Variants in FSTL5 observed in about 807,000 individuals in gnomAD.
FSTL5 encodes the protein follistatin like 5.
In FSTL5, 62 loss-of-function variants were observed where a neutral mutation model predicts 89.1. The observed-to-expected ratio is 0.70, with a 90% confidence interval of 0.57 to 0.86. FSTL5 has a LOEUF of 0.86. Ranked by LOEUF, FSTL5 falls within the 40% of genes least tolerant of loss-of-function variation. The pLI, the probability that FSTL5 is intolerant of heterozygous loss-of-function variation, is 0.00. For missense variants in FSTL5, 1,057 were observed against 1,001.6 expected (o/e 1.06, Z -0.75); for synonymous variants, 383 against 346.2 (o/e 1.11, Z -1.18).
chr4:161,564,651 T>G (rs972635070), intron 8 of FSTL5, among the ~76,000 whole-genome samples: 1 of 151,632 alleles, frequency 6.6e-6, no homozygotes, highest in African/African-American at 2.4e-5. Flanking sequence ...CTTTTATTAA[T>G]ACATGATAAT....
At chr4:161,504,453 C>A (rs1460579931) in intron 11 of FSTL5, among the ~76,000 whole-genome samples, 1 of 150,706 alleles carries the variant, frequency 6.6e-6, no homozygotes, top group Admixed American at 6.7e-5. Flanking sequence ...AGATCGGGAA[C>A]ATGTGCAGAT....
At chr4:161,522,444 GA>G (rs1289503658) in intron 10 of FSTL5, among the ~76,000 whole-genome samples, 4 of 151,978 alleles carry the variant, frequency 2.6e-5, no homozygotes, top group Admixed American at 2.6e-4. Flanking sequence ...ATAGGATATA[GA>G]AAGGCTTTTC....
intron 12 of FSTL5, among the ~76,000 whole-genome samples, chr4:161,487,192 C>T (rs545377445): frequency 6.6e-6 from 1 of 152,216 alleles, no homozygotes; most frequent in East Asian, 1.9e-4. Flanking sequence ...AAACATAATG[C>T]TGAAGGTGCA....
chr4:162,115,828 G>A (rs1185323108), intron 1 of FSTL5, among the ~76,000 whole-genome samples: 1 of 152,048 alleles, frequency 6.6e-6, no homozygotes, highest in African/African-American at 2.4e-5. Flanking sequence ...CTGCTTGCTG[G>A]GGGTAGGATT....
chr4:161,544,811 T>C (rs1158477625), intron 8 of FSTL5, among the ~76,000 whole-genome samples: 2 of 152,040 alleles, frequency 1.3e-5, no homozygotes, highest in South Asian at 4.1e-4. Flanking sequence ...ATATGGTCCC[T>C]GTATTAGATA....
At chr4:162,102,672 T>C (rs1195241745) in intron 2 of FSTL5, among the ~76,000 whole-genome samples, 2 of 145,376 alleles carry the variant, frequency 1.4e-5, no homozygotes, top group African/African-American at 5.0e-5. Context: ...TATAAAAATA[T>C]GTATAACATA....
intron 2 of FSTL5, among the ~76,000 whole-genome samples, chr4:162,036,426 T>C (rs12508126): frequency 0.19 from 28,387 of 151,924 alleles, 3,291 homozygotes; most frequent in East Asian, 0.33. Flanking sequence ...TTTTTAAACA[T>C]GTTGACTTTG....
intron 6 of FSTL5, among the ~76,000 whole-genome samples, chr4:161,710,872 A>C (rs565944561): frequency 6.6e-6 from 1 of 152,318 alleles, no homozygotes; most frequent in East Asian, 1.9e-4. Flanking sequence ...ATTAAATTAC[A>C]ACTCTACAAC....
intron 7 of FSTL5, among the ~76,000 whole-genome samples, chr4:161,640,728 C>T (rs1395615991): frequency 2.2e-5 from 3 of 133,938 alleles, no homozygotes; most frequent in Non-Finnish European, 4.4e-5. Context: ...GGAGAAGAAG[C>T]AGAGAAAATA....
At chr4:161,486,252 A>G (rs1261326192) in intron 12 of FSTL5, among the ~76,000 whole-genome samples, 1 of 152,156 alleles carries the variant, frequency 6.6e-6, no homozygotes, top group Non-Finnish European at 1.5e-5. Flanking sequence ...GGTATTATGA[A>G]GAACACAGAA....
intron 13 of FSTL5, among the ~76,000 whole-genome samples, chr4:161,468,197 C>A (rs1351523805): frequency 6.6e-6 from 1 of 151,974 alleles, no homozygotes; most frequent in Non-Finnish European, 1.5e-5. Flanking sequence ...GCGACCCCCA[C>A]TACATACTAC....
chr4:161,763,622 C>G (rs1740882665), intron 5 of FSTL5, among the ~76,000 whole-genome samples: 1 of 152,078 alleles, frequency 6.6e-6, no homozygotes, highest in Non-Finnish European at 1.5e-5. Flanking sequence ...CAAGAAATAG[C>G]AATTGTGAAC....
At chr4:161,707,371 A>G (rs75703022) in intron 6 of FSTL5, among the ~76,000 whole-genome samples, 2,632 of 152,074 alleles carry the variant, frequency 0.017, 87 homozygotes, top group African/African-American at 0.058. Flanking sequence ...TGTTATTTAT[A>G]AAATGTAAAA....
intron 8 of FSTL5, among the ~76,000 whole-genome samples, chr4:161,565,859 T>C (rs1485541889): frequency 6.6e-6 from 1 of 150,668 alleles, no homozygotes; most frequent in Non-Finnish European, 1.5e-5. Flanking sequence ...CAATTGTGAA[T>C]TGTGTTATGG....
intron 4 of FSTL5, among the ~76,000 whole-genome samples, chr4:161,862,243 A>G (rs1008646091): frequency 2.0e-5 from 3 of 152,222 alleles, no homozygotes. Context: ...TTATGAGTAA[A>G]TATGACAGAC....
At chr4:161,600,778 T>C (rs1734202645) in intron 7 of FSTL5, among the ~76,000 whole-genome samples, 1 of 152,178 alleles carries the variant, frequency 6.6e-6, no homozygotes, top group African/African-American at 2.4e-5. Flanking sequence ...GTATCATTAG[T>C]AAATGAATAC....
intron 13 of FSTL5, among the ~76,000 whole-genome samples, chr4:161,479,148 G>A (rs1729413381): frequency 6.6e-6 from 1 of 152,024 alleles, no homozygotes; most frequent in African/African-American, 2.4e-5. Context: ...TAGATACTAA[G>A]TTGAAAAATC....
At chr4:161,539,162 A>ATG (rs34306364) in intron 9 of FSTL5, among the ~76,000 whole-genome samples, 1,696 of 149,056 alleles carry the variant, frequency 0.011, 31 homozygotes, top group African/African-American at 0.04. Context: ...TTCTGTGTGT[A>ATG]TGTGTGTGTG....
chr4:162,075,946 G>C (rs1305136130), intron 2 of FSTL5, among the ~76,000 whole-genome samples: 2 of 151,754 alleles, frequency 1.3e-5, no homozygotes, highest in Non-Finnish European at 2.9e-5. Context: ...TCCTTCCTCT[G>C]CACACTCCTG....
Sources: allele counts gnomAD v4.1 joint callset (sites outside exome capture counted in the v4.1 genomes callset), GRCh38; gene constraint gnomAD v4.1.1; transcripts MANE v1.5; gene names NCBI Gene and HGNC (gene_info 2026-07-23, HGNC 2026-07-21).